The following CSNK2A2IP variants were observed in gnomAD, a reference collection of about 807,000 sequenced individuals.
CSNK2A2IP encodes casein kinase 2 subunit alpha' interacting protein, also known as casein kinase II subunit alpha'-interacting protein.
chr3:88,422,994 C>G, the CSNK2A2IP span, among the ~76,000 whole-genome samples: 1 of 152,032 alleles, frequency 6.6e-6, no homozygotes, highest in African/African-American at 2.4e-5. Flanking sequence ...TTGAGGTAAC[C>G]TATTTAAATT....
the CSNK2A2IP span, chr3:88,465,984 A>C: frequency 8.1e-7 from 1 of 1,231,652 alleles, no homozygotes; most frequent in Non-Finnish European, 1.0e-6. Context: ...CCAAACGAAA[A>C]GCCCTTAGCT....
chr3:88,454,556 A>C, the CSNK2A2IP span, among the ~76,000 whole-genome samples: 100 of 152,052 alleles, frequency 6.6e-4, no homozygotes, highest in African/African-American at 2.1e-3. Flanking sequence ...TAGGTTTTAC[A>C]GTAGATCCAT....
chr3:88,362,704 G>A, the CSNK2A2IP span, among the ~76,000 whole-genome samples: 7 of 152,166 alleles, frequency 4.6e-5, no homozygotes, highest in African/African-American at 1.4e-4. Context: ...GCTCCACCAC[G>A]CTAAGGTGGC....
chr3:88,338,591 A>C, the CSNK2A2IP span: 1 of 152,194 alleles, frequency 6.6e-6, no homozygotes, highest in South Asian at 2.1e-4. Flanking sequence ...AAGACCCAGG[A>C]ATCACTACAG....
chr3:88,403,946 T>A, the CSNK2A2IP span, among the ~76,000 whole-genome samples: 7 of 152,072 alleles, frequency 4.6e-5, no homozygotes, highest in Admixed American at 4.6e-4. Flanking sequence ...ATACATGAAG[T>A]CTTCTAGCAG....
At chr3:88,399,162 A>G in the CSNK2A2IP span, among the ~76,000 whole-genome samples, 4 of 152,214 alleles carry the variant, frequency 2.6e-5, no homozygotes. Flanking sequence ...CAACAATAGC[A>G]TAAAGACTGA....
the CSNK2A2IP span, among the ~76,000 whole-genome samples, chr3:88,350,501 G>C: frequency 3.3e-5 from 5 of 151,700 alleles, no homozygotes; most frequent in Admixed American, 3.3e-4. Flanking sequence ...AGATGAGAGG[G>C]GCAAAAGAGA....
chr3:88,355,431 T>C, the CSNK2A2IP span, among the ~76,000 whole-genome samples: 1 of 152,006 alleles, frequency 6.6e-6, no homozygotes, highest in Admixed American at 6.6e-5. Flanking sequence ...GCCACATATG[T>C]ATCCAAAGCA....
chr3:88,426,545 A>G, the CSNK2A2IP span, among the ~76,000 whole-genome samples: 1 of 152,178 alleles, frequency 6.6e-6, no homozygotes, highest in Non-Finnish European at 1.5e-5. Flanking sequence ...TGTAGTTCCC[A>G]TAATCCCCAC....
chr3:88,391,179 T>C, the CSNK2A2IP span, among the ~76,000 whole-genome samples: 2 of 152,202 alleles, frequency 1.3e-5, no homozygotes, highest in East Asian at 1.9e-4. Context: ...CATATAGATA[T>C]AGAGATTTGT....
chr3:88,466,672 A>G, the CSNK2A2IP span: 2 of 1,211,132 alleles, frequency 1.7e-6, no homozygotes, highest in Non-Finnish European at 2.1e-6. Context: ...TGTCAATTCT[A>G]TCTCAAATAC....
At chr3:88,396,897 G>T in the CSNK2A2IP span, among the ~76,000 whole-genome samples, 1 of 152,142 alleles carries the variant, frequency 6.6e-6, no homozygotes, top group Non-Finnish European at 1.5e-5. Context: ...AATTGGAAAT[G>T]GAAAGAATTG....
At chr3:88,463,726 T>C in the CSNK2A2IP span, among the ~76,000 whole-genome samples, 1 of 152,182 alleles carries the variant, frequency 6.6e-6, no homozygotes, top group Non-Finnish European at 1.5e-5. Flanking sequence ...AGTTCAACCA[T>C]TGTGGAAGTT....
chr3:88,400,385 A>G, the CSNK2A2IP span, among the ~76,000 whole-genome samples: 1 of 152,008 alleles, frequency 6.6e-6, no homozygotes, highest in Admixed American at 6.6e-5. Context: ...GGAACAGGAG[A>G]AAGGGGTGGT....
the CSNK2A2IP span, among the ~76,000 whole-genome samples, chr3:88,413,576 G>A: frequency 1.2e-4 from 18 of 151,830 alleles, no homozygotes; most frequent in East Asian, 1.7e-3. Flanking sequence ...GTACATTCAC[G>A]CCTACTTTTG....
chr3:88,357,503 T>C, the CSNK2A2IP span, among the ~76,000 whole-genome samples: 3 of 152,172 alleles, frequency 2.0e-5, no homozygotes, highest in African/African-American at 4.8e-5. Context: ...TTATTTGAAG[T>C]CAGATAGTTT....
At chr3:88,430,317 A>T in the CSNK2A2IP span, among the ~76,000 whole-genome samples, 1 of 152,144 alleles carries the variant, frequency 6.6e-6, no homozygotes, top group Non-Finnish European at 1.5e-5. Context: ...ATCTTCTCAA[A>T]TCTATACATA....
the CSNK2A2IP span, among the ~76,000 whole-genome samples, chr3:88,460,121 G>T: frequency 6.6e-6 from 1 of 152,012 alleles, no homozygotes; most frequent in African/African-American, 2.4e-5. Flanking sequence ...AAAGTTTGAA[G>T]GAACTCAATT....
At chr3:88,345,175 T>A in the CSNK2A2IP span, among the ~76,000 whole-genome samples, 2 of 152,024 alleles carry the variant, frequency 1.3e-5, no homozygotes, top group Non-Finnish European at 2.9e-5. Context: ...GCTTAGCTAA[T>A]CCTGATTGCA....
Sources: gnomAD v4.1 joint callset for allele counts (sites outside exome capture counted in the v4.1 genomes callset) on GRCh38, gnomAD v4.1.1 for gene constraint, MANE v1.5 for transcripts, NCBI Gene and HGNC (gene_info 2026-07-23, HGNC 2026-07-21) for gene names.